Variants in SPOCK3 observed in about 807,000 individuals in gnomAD.
SPOCK3 encodes the protein testican-3.
Under a neutral mutation model 56.6 loss-of-function variants are expected in SPOCK3, and 30 were observed. That is an observed-to-expected ratio of 0.53 (90% CI 0.40 to 0.72). SPOCK3 has a LOEUF of 0.72. SPOCK3 is among the 30% of genes least tolerant of loss of function. The pLI is 0.00. For missense variants in SPOCK3, 527 were observed against 530.0 expected, an observed-to-expected ratio of 0.99 and a Z score of 0.06; for synonymous variants, 196 against 183.3, an observed-to-expected ratio of 1.07 and a Z score of -0.56.
At position 166,894,715 on chromosome 4, in the gene SPOCK3, TC is replaced by T. The variant is rs1408833089; in HGVS notation, c.475-5472del. ...CCAGATTAACTGACCAAGGAGAACT[TC>T]CGGGAAAAAAAGTAACAAAACCATA... On this transcript the variant is annotated intron_variant, in intron 5 of 10. Transcript: ENST00000357545. Among the ~76,000 whole-genome samples, 6 of 152,104 alleles carry T rather than the reference TC, an allele frequency of 3.9e-5. No homozygotes were observed. In the East Asian group the frequency reaches 9.6e-4, roughly 24 times the overall value.
At chr4:167,039,837 A>G (rs1753097710) in intron 3 of SPOCK3, among the ~76,000 whole-genome samples, 2 of 152,208 alleles carry the variant, frequency 1.3e-5, no homozygotes, top group African/African-American at 4.8e-5. Flanking sequence ...ATACCACACA[A>G]AGTTGTATAA....
chr4:166,962,528 C>T (rs1206578337), intron 4 of SPOCK3, among the ~76,000 whole-genome samples: 1 of 151,874 alleles, frequency 6.6e-6, no homozygotes, highest in Admixed American at 6.6e-5. Context: ...AACAAGAATG[C>T]CATTTGCAAT....
At chr4:167,007,393 G>T (rs571876710) in intron 3 of SPOCK3, among the ~76,000 whole-genome samples, 3 of 152,016 alleles carry the variant, frequency 2.0e-5, no homozygotes, top group Non-Finnish European at 4.4e-5. Context: ...CTATAAAATA[G>T]TTGGTATACT....
At chr4:167,069,066 C>G (rs1756422233) in intron 2 of SPOCK3, among the ~76,000 whole-genome samples, 2 of 151,916 alleles carry the variant, frequency 1.3e-5, no homozygotes, top group South Asian at 4.1e-4. Flanking sequence ...CATAGATGAT[C>G]TCCAAAGATG....
At chr4:167,055,602 T>A (rs1754727789) in intron 3 of SPOCK3, among the ~76,000 whole-genome samples, 1 of 152,206 alleles carries the variant, frequency 6.6e-6, no homozygotes, top group South Asian at 2.1e-4. Flanking sequence ...CTCACCTGAA[T>A]ACTGCGCTTT....
intron 2 of SPOCK3, among the ~76,000 whole-genome samples, chr4:167,094,924 C>T (rs951143884): frequency 1.3e-5 from 2 of 151,936 alleles, no homozygotes; most frequent in South Asian, 2.1e-4. Context: ...CCAGAAGACC[C>T]GATGGTATTG....
intron 3 of SPOCK3, among the ~76,000 whole-genome samples, chr4:167,013,122 C>T (rs896422611): frequency 1.8e-4 from 28 of 151,832 alleles, no homozygotes; most frequent in African/African-American, 5.8e-4. Flanking sequence ...TGAAAGGCTA[C>T]CTATTAGCAG....
intron 2 of SPOCK3, among the ~76,000 whole-genome samples, chr4:167,210,622 A>C (rs531343314): frequency 2.6e-5 from 4 of 152,182 alleles, no homozygotes; most frequent in Non-Finnish European, 5.9e-5. Context: ...AACTTTATAT[A>C]GATGAAGAAT....
At chr4:166,789,253 A>T (rs944883556) in intron 7 of SPOCK3, among the ~76,000 whole-genome samples, 2 of 151,994 alleles carry the variant, frequency 1.3e-5, no homozygotes, top group Admixed American at 1.3e-4. Flanking sequence ...AACATGGAGA[A>T]ACCCCGTCTC....
chr4:167,141,764 C>T (rs1200699926), intron 2 of SPOCK3, among the ~76,000 whole-genome samples: 3 of 151,934 alleles, frequency 2.0e-5, no homozygotes, highest in Non-Finnish European at 2.9e-5. Flanking sequence ...ATACATTCCA[C>T]TGAGATAACA....
chr4:166,823,610 G>T (rs1188377550), intron 6 of SPOCK3, among the ~76,000 whole-genome samples: 1 of 152,086 alleles, frequency 6.6e-6, no homozygotes, highest in Non-Finnish European at 1.5e-5. Flanking sequence ...CCTGCAGCAA[G>T]TCACTAGAGA....
chr4:167,188,247 G>A (rs1732188284), intron 2 of SPOCK3, among the ~76,000 whole-genome samples: 1 of 146,024 alleles, frequency 6.8e-6, no homozygotes, highest in Non-Finnish European at 1.5e-5. Context: ...ACGAGAAAGA[G>A]AGAGGTCCCT....
At chr4:167,061,449 A>C (rs866402849) in intron 3 of SPOCK3, among the ~76,000 whole-genome samples, 3 of 152,038 alleles carry the variant, frequency 2.0e-5, no homozygotes, top group African/African-American at 4.8e-5. Flanking sequence ...TATAAGAAAA[A>C]AGTTGTTTTA....
chr4:166,807,960 T>C (rs1031762232), intron 6 of SPOCK3, among the ~76,000 whole-genome samples: 1 of 151,724 alleles, frequency 6.6e-6, no homozygotes, highest in African/African-American at 2.4e-5. Context: ...GGGACCATTT[T>C]ATCTTTCTAT....
chr4:167,023,458 T>TA lies in SPOCK3; in HGVS notation c.236-22996dup, dbSNP rs557468581. Among the ~76,000 whole-genome samples, 1,003 of 147,310 alleles carry TA rather than the reference T, an allele frequency of 6.8e-3. 6 individuals are homozygous for TA. Among genetic ancestry groups the TA allele is most frequent in the Middle Eastern group, 0.01 (3 of 286 alleles). ...TAAGACTTGGATCATCACACTAGGT[T>TA]AAAAAAAAAAGAAAAGAAAAATTCA... On this transcript the variant is annotated intron_variant, in intron 3 of 10. Transcript: ENST00000357545.
intron 5 of SPOCK3, 119 bp downstream of exon 5, chr4:166,912,496 ATTAAT>A (rs1737392607): frequency 3.0e-6 from 3 of 984,696 alleles, no homozygotes; most frequent in African/African-American, 1.7e-5. Context: ...CAGTGAGATT[ATTAAT>A]TTATTTTATA....
chr4:166,745,170 C>A lies in SPOCK3; in HGVS notation c.932-3111G>T, dbSNP rs1305822133. ...AAGACATTCCTCAAGAAGAGCAACC[C>A]CAAGACACATAATTTTCATATGCAC... On this transcript the variant is annotated intron_variant, in intron 8 of 10. Coordinates refer to ENST00000357545, the MANE Select transcript of SPOCK3 (RefSeq NM_001040159.2). Among the ~76,000 whole-genome samples the A allele has an allele frequency of 3.3e-5, 5 of 152,062 alleles. No individual in the cohort carries two copies. The South Asian group carries it at 8.3e-4, about 25-fold the overall frequency.
intron 2 of SPOCK3, among the ~76,000 whole-genome samples, chr4:167,155,651 G>A (rs542488647): frequency 1.1e-4 from 16 of 152,230 alleles, no homozygotes; most frequent in African/African-American, 3.6e-4. Flanking sequence ...AAATCACTGG[G>A]CAGAGAGTAT....
At chr4:167,056,911 A>G (rs371524748) in intron 3 of SPOCK3, among the ~76,000 whole-genome samples, 21 of 152,116 alleles carry the variant, frequency 1.4e-4, no homozygotes, top group East Asian at 3.9e-4. Flanking sequence ...GCAGGCCAAC[A>G]TTCAGATTCA....
Sources: allele counts gnomAD v4.1 joint callset (sites outside exome capture counted in the v4.1 genomes callset), GRCh38; gene constraint gnomAD v4.1.1; transcripts MANE v1.5; gene names NCBI Gene and HGNC (gene_info 2026-07-23, HGNC 2026-07-21).